Variants in MAGI2 observed in about 807,000 individuals in gnomAD.
MAGI2 encodes the protein membrane-associated guanylate kinase, WW and PDZ domain-containing protein 2.
MAGI2 carries 35 observed loss-of-function variants against 133.3 expected under a neutral mutation model. The ratio of observed to expected loss-of-function variants is 0.26; its 90% CI spans 0.20 to 0.35. The LOEUF (loss-of-function observed/expected upper bound fraction) is 0.35. MAGI2 is among the 10% of genes least tolerant of loss of function. MAGI2 has a pLI of 1.00. For missense variants in MAGI2, 1,636 were observed against 1,863.4 expected (o/e 0.88, Z 2.25); for synonymous variants, 729 against 710.6 (o/e 1.03, Z -0.41).
chr7:78,358,196 A>AATATATATATATATATATATATATAT (rs59745283), intron 7 of MAGI2: 4 of 38,078 alleles, frequency 1.1e-4, no homozygotes, highest in Non-Finnish European at 1.7e-4. Flanking sequence ...AAAAAAAAAA[A>AATATATATATATATATATATATATAT]ATATATATAT....
intron 9 of MAGI2, among the ~76,000 whole-genome samples, chr7:78,301,861 C>T (rs1562787000): frequency 6.6e-6 from 1 of 152,120 alleles, no homozygotes; most frequent in Non-Finnish European, 1.5e-5. Flanking sequence ...CCTCATTGTT[C>T]TCAGGCTGAG....
intron 2 of MAGI2, among the ~76,000 whole-genome samples, chr7:78,834,129 A>G (rs1791419527): frequency 6.6e-6 from 1 of 152,118 alleles, no homozygotes; most frequent in African/African-American, 2.4e-5. Context: ...TGAATATTAA[A>G]TTTACAGTTC....
intron 2 of MAGI2, among the ~76,000 whole-genome samples, chr7:78,871,171 C>T (rs575333809): frequency 6.6e-6 from 1 of 151,752 alleles, no homozygotes; most frequent in Admixed American, 6.6e-5. Flanking sequence ...ACTAGCCGGG[C>T]GTGGTGGTGG....
chr7:78,714,055 G>A (rs186804217), intron 2 of MAGI2, among the ~76,000 whole-genome samples: 2,124 of 120,970 alleles, frequency 0.018, 38 homozygotes, highest in Non-Finnish European at 0.019. Context: ...ACAGTTGTGT[G>A]ATATGTGTTG....
At chr7:78,880,299 A>G (rs1795747306) in intron 2 of MAGI2, among the ~76,000 whole-genome samples, 1 of 152,208 alleles carries the variant, frequency 6.6e-6, no homozygotes, top group African/African-American at 2.4e-5. Flanking sequence ...AGCACGGAAG[A>G]AAAAAATCTT....
chr7:79,435,904 A>C (rs940150460), intron 1 of MAGI2, among the ~76,000 whole-genome samples: 1 of 152,196 alleles, frequency 6.6e-6, no homozygotes, highest in Non-Finnish European at 1.5e-5. Flanking sequence ...TGGATTTGCT[A>C]TGTGTCTAAA....
intron 1 of MAGI2, among the ~76,000 whole-genome samples, chr7:79,231,928 G>T (rs1365995840): frequency 3.3e-5 from 5 of 152,100 alleles, no homozygotes; most frequent in Non-Finnish European, 7.3e-5. Flanking sequence ...CTGGCTGTGG[G>T]TTTGTCATAG....
rs1216994906 is a variant in MAGI2 at position 79,453,172 on chromosome 7, C to T, written c.149G>A (p.Gly50Asp). 2 of 1,614,080 alleles carry T rather than the reference C, an allele frequency of 1.2e-6. No homozygotes were observed. Among genetic ancestry groups the T allele is most frequent in the East Asian group, 2.2e-5 (1 of 44,844 alleles). Residue 50 changes from glycine to aspartate, a missense_variant, in exon 1 of 22, where the codon GGC (glycine) becomes GAC (aspartate). Gly to Asp is a moderately conservative substitution (Grantham distance 94). This residue lies in a region of MAGI2 where 148 missense variants were observed against 239.0 expected (regional missense o/e 0.62). Transcript: ENST00000354212. ...GCTGCCGCTCTCATAGGCCACCTTG[C>T]CGGGCTTCACCTCCCCCAGGTAGGG... is the stretch of plus-strand genomic sequence containing the variant. ...QFPYLGEVKP[G>D]KVAYESGSKL... is the part of the protein sequence containing the mutation.
chr7:78,595,009 A>G (rs1252696037), intron 3 of MAGI2, among the ~76,000 whole-genome samples: 1 of 152,206 alleles, frequency 6.6e-6, no homozygotes. Flanking sequence ...AAGGTCTGGA[A>G]GACTTTGTAA....
intron 1 of MAGI2, among the ~76,000 whole-genome samples, chr7:79,211,536 C>T (rs943825080): frequency 2.0e-5 from 3 of 151,746 alleles, no homozygotes; most frequent in Admixed American, 6.6e-5. Flanking sequence ...TCAAGCAATC[C>T]TCTCACCTTG....
intron 2 of MAGI2, among the ~76,000 whole-genome samples, chr7:78,887,610 G>A (rs999046415): frequency 1.3e-5 from 2 of 152,198 alleles, no homozygotes; most frequent in Admixed American, 1.3e-4. Context: ...AACTGATACT[G>A]TGTGGGTCTT....
chr7:78,185,866 G>A (rs915310334), intron 12 of MAGI2, among the ~76,000 whole-genome samples, 196 bp from the exon 13 acceptor site: 1 of 151,942 alleles, frequency 6.6e-6, no homozygotes, highest in Non-Finnish European at 1.5e-5. Context: ...ATGTAAATAT[G>A]TTTCTTTTAC....
chr7:78,348,278 T>A (rs549144806), intron 7 of MAGI2: 38 of 152,314 alleles, frequency 2.5e-4, no homozygotes, highest in African/African-American at 8.2e-4. Flanking sequence ...AGCTTCAATA[T>A]CTTTATCTGT....
chr7:78,737,881 C>T (rs1359547559), intron 2 of MAGI2, among the ~76,000 whole-genome samples: 1 of 151,906 alleles, frequency 6.6e-6, no homozygotes, highest in Admixed American at 6.6e-5. Flanking sequence ...TAATAGTGCA[C>T]CTGAAACCAA....
intron 21 of MAGI2, among the ~76,000 whole-genome samples, chr7:78,041,719 A>T (rs911253277): frequency 9.2e-5 from 14 of 152,184 alleles, no homozygotes; most frequent in Middle Eastern, 3.2e-3. Context: ...AAAAGGCTGG[A>T]AAGTCAGCTT....
chr7:79,048,497 C>T (rs567311740), intron 1 of MAGI2, among the ~76,000 whole-genome samples: 10 of 152,256 alleles, frequency 6.6e-5, no homozygotes, highest in Non-Finnish European at 1.0e-4. Flanking sequence ...ACTGCTAAAA[C>T]ATTTTTTAGT....
chr7:78,083,381 A>AGGGGGG (rs201638758), intron 20 of MAGI2, among the ~76,000 whole-genome samples: 13 of 19,502 alleles, frequency 6.7e-4, no homozygotes, highest in Non-Finnish European at 1.0e-3. Flanking sequence ...GGAGGGAGGG[A>AGGGGGG]GGGGGGGAGA....
intron 17 of MAGI2, chr7:78,133,995 A>G (rs1023991378): frequency 6.6e-6 from 1 of 151,418 alleles, no homozygotes; most frequent in Admixed American, 6.6e-5. Flanking sequence ...CACTGTTGGC[A>G]TTTTGGGTGG....
At chr7:79,126,926 A>C (rs888904660) in intron 1 of MAGI2, among the ~76,000 whole-genome samples, 1 of 151,782 alleles carries the variant, frequency 6.6e-6, no homozygotes, top group Non-Finnish European at 1.5e-5. Flanking sequence ...CATTAGGTAT[A>C]TCTCCTAATG....
Sources: allele counts gnomAD v4.1 joint callset (sites outside exome capture counted in the v4.1 genomes callset), GRCh38; gene constraint gnomAD v4.1.1; regional missense constraint gnomAD v4.1.1; transcripts MANE v1.5; gene names NCBI Gene and HGNC (gene_info 2026-07-23, HGNC 2026-07-21).